The following SYN3 variants were observed in gnomAD, a reference collection of about 807,000 sequenced individuals.
The protein encoded by SYN3 is synapsin III, also known as synapsin-3.
Under a neutral mutation model 65.8 loss-of-function variants are expected in SYN3, and 35 were observed. That is an observed-to-expected ratio of 0.53 (90% CI 0.41 to 0.70). The LOEUF (loss-of-function observed/expected upper bound fraction) is 0.70. Ranked by LOEUF, SYN3 falls within the 30% of genes least tolerant of loss-of-function variation. SYN3 has a pLI of 0.00. For missense variants in SYN3, 680 were observed against 749.0 expected, an observed-to-expected ratio of 0.91 and a Z score of 1.08; for synonymous variants, 270 against 292.9, an observed-to-expected ratio of 0.92 and a Z score of 0.80.
At chr22:32,749,364 G>A (rs984148532) in intron 6 of SYN3, among the ~76,000 whole-genome samples, 6 of 131,374 alleles carry the variant, frequency 4.6e-5, no homozygotes, top group Admixed American at 9.8e-5. Flanking sequence ...ACATATAGCC[G>A]TGCTCAGTGG....
chr22:33,011,961 T>C (rs2053361369), intron 1 of SYN3, among the ~76,000 whole-genome samples: 1 of 152,196 alleles, frequency 6.6e-6, no homozygotes, highest in Non-Finnish European at 1.5e-5. Flanking sequence ...TTGCTAAGAA[T>C]TTATAAATTG....
At chr22:32,668,955 G>T (rs1376149862) in intron 6 of SYN3, among the ~76,000 whole-genome samples, 2 of 152,138 alleles carry the variant, frequency 1.3e-5, no homozygotes, top group Non-Finnish European at 2.9e-5. Flanking sequence ...TCTTAGCAGG[G>T]CCCTGGAACA....
chr22:32,714,961 T>C (rs572456942), intron 6 of SYN3, among the ~76,000 whole-genome samples: 50 of 152,286 alleles, frequency 3.3e-4, no homozygotes, highest in African/African-American at 1.2e-3. Context: ...TTGGGTATCT[T>C]TGCATGGAAC....
intron 6 of SYN3, among the ~76,000 whole-genome samples, chr22:32,854,666 C>CATTCATATA (rs1411072038): frequency 6.6e-6 from 1 of 152,188 alleles, no homozygotes; most frequent in African/African-American, 2.4e-5. Context: ...AGAGAGGCAC[C>CATTCATATA]ATTCACATAG....
chr22:32,775,673 G>A (rs889226253), intron 6 of SYN3, among the ~76,000 whole-genome samples: 5 of 147,234 alleles, frequency 3.4e-5, no homozygotes, highest in Non-Finnish European at 7.4e-5. Context: ...GAGATCAGGA[G>A]TTCTGCTGCC....
At chr22:32,952,184 C>T (rs1601771078) in intron 3 of SYN3, among the ~76,000 whole-genome samples, 1 of 152,034 alleles carries the variant, frequency 6.6e-6, no homozygotes, top group African/African-American at 2.4e-5. Flanking sequence ...TAGAAGCACT[C>T]GGCATCTCAG....
chr22:32,711,098 G>C (rs1213075790), intron 6 of SYN3, among the ~76,000 whole-genome samples: 4 of 152,172 alleles, frequency 2.6e-5, no homozygotes, highest in Non-Finnish European at 5.9e-5. Context: ...CAAGACTGAG[G>C]TGGGTCTTTG....
At chr22:32,814,313 G>GAAAA (rs774703088) in intron 6 of SYN3, among the ~76,000 whole-genome samples, 1 of 39,674 alleles carries the variant, frequency 2.5e-5, no homozygotes, top group Admixed American at 3.0e-4. Flanking sequence ...GAGAGAGAGA[G>GAAAA]AGACAGAAAG....
chr22:32,590,047 A>C (rs2059106838), intron 7 of SYN3, among the ~76,000 whole-genome samples: 1 of 152,202 alleles, frequency 6.6e-6, no homozygotes, highest in African/African-American at 2.4e-5. Context: ...AACAAAAAAC[A>C]ACAACTCAAT....
intron 4 of SYN3, among the ~76,000 whole-genome samples, chr22:32,874,008 C>A (rs1242776892): frequency 6.6e-6 from 1 of 152,102 alleles, no homozygotes; most frequent in Non-Finnish European, 1.5e-5. Context: ...GTGGCACACA[C>A]CTGTAATCCC....
chr22:32,639,576 A>G (rs530197433), intron 6 of SYN3, among the ~76,000 whole-genome samples: 93 of 152,034 alleles, frequency 6.1e-4, no homozygotes, highest in Admixed American at 1.6e-3. Flanking sequence ...GTTGCCCAGG[A>G]TGGAATGTAG....
At chr22:32,619,215 GC>G (rs1449270852) in intron 6 of SYN3, among the ~76,000 whole-genome samples, 3 of 152,178 alleles carry the variant, frequency 2.0e-5, no homozygotes, top group Non-Finnish European at 4.4e-5. Context: ...GACAGCACTG[GC>G]CTACCTAACC....
At chr22:33,006,171 T>C (rs1159536944) in intron 2 of SYN3, among the ~76,000 whole-genome samples, 181 bp downstream of exon 2, 1 of 152,154 alleles carries the variant, frequency 6.6e-6, no homozygotes, top group Non-Finnish European at 1.5e-5. Context: ...TGGCACTAAG[T>C]AGGTGCTGTG....
chr22:32,989,372 G>A (rs1333677952), intron 2 of SYN3, among the ~76,000 whole-genome samples: 1 of 152,092 alleles, frequency 6.6e-6, no homozygotes, highest in African/African-American at 2.4e-5. Flanking sequence ...AGGTCAGCTG[G>A]GTATGTCCCT....
chr22:32,573,800 C>T (rs149431775), intron 7 of SYN3, among the ~76,000 whole-genome samples: 5,246 of 141,408 alleles, frequency 0.037, 138 homozygotes, highest in Middle Eastern at 0.086. Flanking sequence ...GACAGAGTCT[C>T]GCTGTGTCGC....
intron 6 of SYN3, among the ~76,000 whole-genome samples, chr22:32,603,821 C>T (rs2059323541): frequency 6.6e-6 from 1 of 152,238 alleles, no homozygotes; most frequent in Non-Finnish European, 1.5e-5. Context: ...CTCTCACAGG[C>T]TCCCTGTCCC....
intron 6 of SYN3, among the ~76,000 whole-genome samples, chr22:32,830,342 G>A (rs2047536537): frequency 6.6e-6 from 1 of 152,144 alleles, no homozygotes; most frequent in Middle Eastern, 3.2e-3. Context: ...AACATCCTAT[G>A]AGCCTTGTAT....
At chr22:32,867,510 T>C (rs190270699) in intron 5 of SYN3, among the ~76,000 whole-genome samples, 3 of 152,338 alleles carry the variant, frequency 2.0e-5, no homozygotes, top group East Asian at 3.9e-4. Flanking sequence ...AAATTTATCA[T>C]TCTAGGTGGA....
intron 9 of SYN3, among the ~76,000 whole-genome samples, chr22:32,535,493 G>C (rs951797646): frequency 6.6e-6 from 1 of 152,156 alleles, no homozygotes; most frequent in Non-Finnish European, 1.5e-5. Context: ...CTTGGAGCTC[G>C]AAGAATCCTC....
Sources: allele counts gnomAD v4.1 joint callset (sites outside exome capture counted in the v4.1 genomes callset), GRCh38; gene constraint gnomAD v4.1.1; transcripts MANE v1.5; gene names NCBI Gene and HGNC (gene_info 2026-07-23, HGNC 2026-07-21).